Variants in TENM3 observed in about 807,000 individuals in gnomAD.
TENM3 encodes the protein teneurin transmembrane protein 3.
In TENM3, 63 loss-of-function variants were observed where a neutral mutation model predicts 255.1. The observed-to-expected ratio is 0.25, with a 90% CI of 0.20 to 0.30. TENM3 has a LOEUF of 0.30. TENM3 is among the 10% of genes least tolerant of loss of function. The pLI is 1.00. For synonymous variants in TENM3, 1,306 were observed against 1,322.3 expected (o/e 0.99, Z 0.27); for missense variants, 2,929 against 3,461.1 (o/e 0.85, Z 3.86).
chr4:181,796,012 G>A, the TENM3 span, among the ~76,000 whole-genome samples: 4 of 152,104 alleles, frequency 2.6e-5, no homozygotes, highest in Admixed American at 2.6e-4. Flanking sequence ...GAAAGGGGAT[G>A]GAATATATCT....
At chr4:182,212,495 G>T (rs2149898645) in intron 1 of TENM3, among the ~76,000 whole-genome samples, 1 of 151,028 alleles carries the variant, frequency 6.6e-6, no homozygotes, top group Non-Finnish European at 1.5e-5. Context: ...GTCAGTGATT[G>T]GAGGCTGTCT....
chr4:182,209,282 T>TA lies in TENM3; in HGVS notation c.-76+64544dup, dbSNP rs34530113. 3.8e-4 allele frequency among the ~76,000 whole-genome samples: 56 copies of TA among 145,688 alleles called. No individual in the cohort carries two copies. The East Asian group carries it at 4.5e-3, about 12-fold the overall frequency. ...CGCATCCAGCCCAGCTGTCCCTCTT[T>TA]AAAAAAAAAAAAAAAATCGTTGTTT... On this transcript the variant is annotated intron_variant, in intron 1 of 2. Transcript: ENST00000512480.
chr4:182,642,709 A>C (rs1752420599), intron 5 of TENM3, among the ~76,000 whole-genome samples: 1 of 152,202 alleles, frequency 6.6e-6, no homozygotes, highest in East Asian at 1.9e-4. Flanking sequence ...ATACTTTTAG[A>C]ATGTTATCAT....
At chr4:182,291,847 C>A (rs1056582405) in intron 1 of TENM3, among the ~76,000 whole-genome samples, 1 of 152,050 alleles carries the variant, frequency 6.6e-6, no homozygotes, top group Non-Finnish European at 1.5e-5. Context: ...TGTCTCCAGG[C>A]GCTCTAGGGT....
At chr4:181,508,099 G>A in the TENM3 span, among the ~76,000 whole-genome samples, 2 of 152,178 alleles carry the variant, frequency 1.3e-5, no homozygotes, top group South Asian at 4.1e-4. Context: ...GATGGAGCCC[G>A]CATCTCCTCC....
chr4:182,750,062 C>T (rs970461386), intron 19 of TENM3, among the ~76,000 whole-genome samples: 1 of 152,098 alleles, frequency 6.6e-6, no homozygotes, highest in Non-Finnish European at 1.5e-5. Context: ...TAATAAGCTG[C>T]CACATTAAGG....
intron 22 of TENM3, among the ~76,000 whole-genome samples, chr4:182,761,732 A>G (rs991697891): frequency 2.6e-5 from 4 of 152,168 alleles, no homozygotes; most frequent in African/African-American, 9.7e-5. Flanking sequence ...GATTTGCAAG[A>G]GAGTTTATCA....
At chr4:182,671,551 T>G (rs138467113) in intron 6 of TENM3, among the ~76,000 whole-genome samples, 207 of 152,322 alleles carry the variant, frequency 1.4e-3, no homozygotes, top group Non-Finnish European at 2.3e-3. Flanking sequence ...AGGGTCTCAC[T>G]TAATTTATCA....
intron 12 of TENM3, among the ~76,000 whole-genome samples, chr4:182,690,579 A>T (rs1167587354): frequency 6.6e-6 from 1 of 152,182 alleles, no homozygotes; most frequent in Non-Finnish European, 1.5e-5. Flanking sequence ...AAAAGTTATG[A>T]TCTGACTGTA....
intron 3 of TENM3, among the ~76,000 whole-genome samples, chr4:182,529,751 G>T (rs770610486): frequency 1.3e-5 from 2 of 151,692 alleles, no homozygotes; most frequent in Non-Finnish European, 2.9e-5. Flanking sequence ...GGGCTAAGGT[G>T]TTCCGTATAT....
At chr4:182,677,063 A>G (rs1579084376) in intron 7 of TENM3, among the ~76,000 whole-genome samples, 1 of 152,344 alleles carries the variant, frequency 6.6e-6, no homozygotes, top group Admixed American at 6.5e-5. Context: ...TTTGCCCTTA[A>G]GTGACCACTT....
chr4:181,605,565 AGAAAGAGAGAGAAAGAAAG>A, the TENM3 span, among the ~76,000 whole-genome samples: 47 of 29,830 alleles, frequency 1.6e-3, 7 homozygotes, highest in African/African-American at 2.4e-3. Context: ...AAAGAAAGAA[AGAAAGAGAGAGAAAGAAAG>A]GAAAGAAAGA....
At chr4:181,961,830 GAT>G in the TENM3 span, among the ~76,000 whole-genome samples, 16 of 152,140 alleles carry the variant, frequency 1.1e-4, no homozygotes, top group African/African-American at 3.4e-4. Context: ...AAAGAGTAAA[GAT>G]ATTGTTTGTT....
chr4:181,704,171 C>T, the TENM3 span, among the ~76,000 whole-genome samples: 4 of 152,284 alleles, frequency 2.6e-5, no homozygotes, highest in East Asian at 1.9e-4. Context: ...TTTAAGCAAT[C>T]GCGTTTGTAT....
chr4:182,732,588 G>A (rs1760856947), intron 16 of TENM3, among the ~76,000 whole-genome samples: 2 of 152,166 alleles, frequency 1.3e-5, no homozygotes, highest in Admixed American at 1.3e-4. Flanking sequence ...CACTTTGGGA[G>A]GCCAAGGCAG....
intron 12 of TENM3, chr4:182,698,081 T>C (rs1757566513): frequency 6.6e-6 from 1 of 152,118 alleles, no homozygotes; most frequent in Non-Finnish European, 1.5e-5. Flanking sequence ...TTGAGAGCAA[T>C]GGCAGATCTG....
At chr4:181,885,471 C>A in the TENM3 span, among the ~76,000 whole-genome samples, 4 of 152,250 alleles carry the variant, frequency 2.6e-5, no homozygotes, top group Non-Finnish European at 4.4e-5. Flanking sequence ...CCATGTTGGC[C>A]AGGATGGTTT....
At chr4:181,699,119 A>G in the TENM3 span, among the ~76,000 whole-genome samples, 1 of 152,258 alleles carries the variant, frequency 6.6e-6, no homozygotes, top group East Asian at 1.9e-4. Flanking sequence ...ATTCAGGCCT[A>G]TGGGCAACAG....
At chr4:181,793,978 A>G in the TENM3 span, among the ~76,000 whole-genome samples, 1 of 152,106 alleles carries the variant, frequency 6.6e-6, no homozygotes, top group African/African-American at 2.4e-5. Flanking sequence ...TAGTGTTTCC[A>G]CATTAATAAC....
Sources: allele counts gnomAD v4.1 joint callset (sites outside exome capture counted in the v4.1 genomes callset), GRCh38; gene constraint gnomAD v4.1.1; transcripts MANE v1.5; gene names NCBI Gene and HGNC (gene_info 2026-07-23, HGNC 2026-07-21).